The following MYO3B variants were observed in gnomAD, a reference collection of about 807,000 sequenced individuals.
MYO3B encodes myosin IIIB, also known as myosin-IIIb.
Under a neutral mutation model 174.6 loss-of-function variants are expected in MYO3B, and 156 were observed. That is an observed-to-expected ratio of 0.89 (90% confidence interval 0.78 to 1.02). The LOEUF (loss-of-function observed/expected upper bound fraction) is 1.02, where lower values mean the gene tolerates loss of function less well. MYO3B is among the 50% of genes least tolerant of loss of function. MYO3B has a pLI of 0.00. For missense variants in MYO3B, 1,632 were observed against 1,639.4 expected, an observed-to-expected ratio of 1.00 and a Z score of 0.08; for synonymous variants, 563 against 569.1, an observed-to-expected ratio of 0.99 and a Z score of 0.15.
chr2:170,648,808 A>C lies in MYO3B; in HGVS notation c.3734-2820A>C, dbSNP rs1319706429. Among the ~76,000 whole-genome samples, 6 of 115,904 alleles carry C rather than the reference A, an allele frequency of 5.2e-5. 1 individual carries two copies. Among genetic ancestry groups the C allele is most frequent in the African/African-American group, 2.1e-4 (6 of 29,054 alleles). 76.0% of individuals were successfully genotyped at this position (115,904 alleles called of 152,430 possible). A position where few individuals can be genotyped will look rare whatever the true frequency, so the allele number is the denominator to read the frequency against. On this transcript the variant is annotated intron_variant, in intron 32 of 34. Coordinates refer to ENST00000408978, the MANE Select transcript of MYO3B (RefSeq NM_138995.5). ...TTCTATAATCTATATAATACATATT[A>C]TATATTATATAGAATATTATAAATA...
chr2:170,187,373 C>T (rs547111134), intron 1 of MYO3B, among the ~76,000 whole-genome samples: 2 of 152,206 alleles, frequency 1.3e-5, no homozygotes, highest in South Asian at 4.2e-4. Flanking sequence ...GCTGGGATTA[C>T]AGGTGTGTGC....
chr2:170,424,970 T>C (rs2094649338), intron 22 of MYO3B, among the ~76,000 whole-genome samples: 1 of 152,248 alleles, frequency 6.6e-6, no homozygotes, highest in African/African-American at 2.4e-5. Context: ...TCTTTACTTT[T>C]TCCATATTTA....
At position 170,653,424 on chromosome 2, in the gene MYO3B, A is replaced by AGAT; in HGVS notation, c.*304_*306dup. ...TCATTCATGCCCCCAGTGTCTAGGA[A>AGAT]GATAACAGCCAGTCTCACCCCAGTC... On this transcript the variant is annotated 3_prime_UTR_variant, in exon 35 of 35. Coordinates refer to ENST00000408978, the MANE Select transcript of MYO3B (RefSeq NM_138995.5). 3.0e-6 allele frequency: 1 copy of AGAT among 334,446 alleles called. No homozygotes were observed. The highest frequency in any genetic ancestry group is 5.5e-6 in the Non-Finnish European group (1 of 182,292). The allele number at this position is 334,446 out of a possible 1,614,324, so 20.7% of individuals were successfully genotyped here.
At chr2:170,186,186 AGT>A (rs2092460049) in intron 1 of MYO3B, among the ~76,000 whole-genome samples, 1 of 152,192 alleles carries the variant, frequency 6.6e-6, no homozygotes, top group Admixed American at 6.5e-5. Context: ...CAGTGGTGAA[AGT>A]GGGCATCCTT....
chr2:170,606,792 G>A (rs1694834561), intron 32 of MYO3B, among the ~76,000 whole-genome samples: 1 of 152,188 alleles, frequency 6.6e-6, no homozygotes, highest in Non-Finnish European at 1.5e-5. Flanking sequence ...AGGCCGAGGA[G>A]GGCAGATCAC....
chr2:170,441,895 A>G (rs2094803558), intron 22 of MYO3B, among the ~76,000 whole-genome samples: 1 of 152,052 alleles, frequency 6.6e-6, no homozygotes, highest in Non-Finnish European at 1.5e-5. Flanking sequence ...GGTGTTTATG[A>G]TCTGTATTTT....
chr2:170,391,875 C>T (rs2094414192), intron 15 of MYO3B, among the ~76,000 whole-genome samples: 1 of 151,956 alleles, frequency 6.6e-6, no homozygotes, highest in Non-Finnish European at 1.5e-5. Context: ...AGGAAATGGG[C>T]TGGGTGTGGC....
At chr2:170,553,824 A>G (rs1691089051) in intron 32 of MYO3B, among the ~76,000 whole-genome samples, 3 of 152,196 alleles carry the variant, frequency 2.0e-5, no homozygotes, top group African/African-American at 4.8e-5. Context: ...TGATTGGATC[A>G]TGGGGGCGGA....
intron 7 of MYO3B, among the ~76,000 whole-genome samples, chr2:170,260,082 G>C (rs2093333915): frequency 6.6e-6 from 1 of 152,136 alleles, no homozygotes; most frequent in Admixed American, 6.5e-5. Flanking sequence ...TGTTGGTGAG[G>C]CTGCAGAGAA....
intron 8 of MYO3B, among the ~76,000 whole-genome samples, chr2:170,366,784 G>A (rs1008887799): frequency 3.9e-5 from 6 of 152,014 alleles, no homozygotes; most frequent in South Asian, 2.1e-4. Flanking sequence ...ATGATCTTGC[G>A]ACCGTGTTGG....
intron 32 of MYO3B, among the ~76,000 whole-genome samples, chr2:170,569,649 G>A (rs554256691): frequency 6.6e-6 from 1 of 151,734 alleles, no homozygotes; most frequent in South Asian, 2.1e-4. Context: ...ATCACTTGAG[G>A]TCAGGAGTTC....
chr2:170,548,492 A>G (rs1203164440), intron 32 of MYO3B, among the ~76,000 whole-genome samples: 4 of 152,150 alleles, frequency 2.6e-5, no homozygotes, highest in Admixed American at 1.3e-4. Context: ...CTTTATGAGT[A>G]GTGAGGGTTT....
intron 6 of MYO3B, among the ~76,000 whole-genome samples, chr2:170,226,650 T>C (rs139302599): frequency 9.1e-4 from 139 of 152,202 alleles, no homozygotes; most frequent in African/African-American, 3.2e-3. Context: ...GAGGTGGTGA[T>C]ATGTTATTAC....
intron 9 of MYO3B, among the ~76,000 whole-genome samples, chr2:170,377,213 A>G (rs940168071): frequency 6.6e-6 from 1 of 152,244 alleles, no homozygotes; most frequent in Non-Finnish European, 1.5e-5. Flanking sequence ...GGTTTTAACC[A>G]TAATGCAGAT....
At chr2:170,283,293 T>C (rs1353113568) in intron 7 of MYO3B, among the ~76,000 whole-genome samples, 11 of 152,180 alleles carry the variant, frequency 7.2e-5, no homozygotes, top group Admixed American at 5.2e-4. Flanking sequence ...AGATCCCTCT[T>C]ATCCATTTCC....
intron 25 of MYO3B, among the ~76,000 whole-genome samples, chr2:170,486,506 G>A (rs1036128777): frequency 2.0e-5 from 3 of 152,108 alleles, no homozygotes; most frequent in Non-Finnish European, 4.4e-5. Context: ...GTTTCTCCAT[G>A]TTGAGGCTGG....
At chr2:170,365,833 C>T (rs1467035208) in intron 8 of MYO3B, among the ~76,000 whole-genome samples, 1 of 152,090 alleles carries the variant, frequency 6.6e-6, no homozygotes, top group African/African-American at 2.4e-5. Context: ...TGAGCATACC[C>T]TGAGGATGAT....
In MYO3B at chr2:170,279,876, G is replaced by C. The variant is rs575248532; in HGVS notation, c.749+43740G>C. On this transcript the variant is annotated intron_variant, in intron 7 of 34. Coordinates refer to ENST00000408978, the MANE Select transcript of MYO3B (RefSeq NM_138995.5). ...TTATCCAGTCTACCACTGATGGACAGTTAGGTTGATTCCATGTCTTTGCTA... is the reference window on the plus strand; with the variant it reads ...TTATCCAGTCTACCACTGATGGACACTTAGGTTGATTCCATGTCTTTGCTA... 7.2e-4 allele frequency among the ~76,000 whole-genome samples: 110 copies of C among 152,168 alleles called. 1 individual carries two copies. The highest frequency in any genetic ancestry group is 2.5e-3 in the African/African-American group (102 of 41,558).
rs1315532466 is a variant in MYO3B, at chr2:170,391,517, C to T, written c.1578-3C>T. 5 of 1,362,642 alleles carry T rather than the reference C, an allele frequency of 3.7e-6. No individual in the cohort carries two copies. Among genetic ancestry groups the T allele is most frequent in the Non-Finnish European group, 5.0e-6 (5 of 1,002,888 alleles). 84.4% of individuals were successfully genotyped at this position (1,362,642 alleles called of 1,614,324 possible). On this transcript the variant is annotated splice_region_variant and splice_polypyrimidine_tract_variant and intron_variant, in intron 14 of 34. Coordinates refer to ENST00000408978, the MANE Select transcript of MYO3B (RefSeq NM_138995.5). ...TTATTACTAAAGTCTCTTTTTTTTTCAGGAGAGAGAAAAATTTTCATATAT... is the reference window on the plus strand; with the variant it reads ...TTATTACTAAAGTCTCTTTTTTTTTTAGGAGAGAGAAAAATTTTCATATAT...
Sources: allele counts gnomAD v4.1 joint callset (sites outside exome capture counted in the v4.1 genomes callset), GRCh38; gene constraint gnomAD v4.1.1; transcripts MANE v1.5; gene names NCBI Gene and HGNC (gene_info 2026-07-23, HGNC 2026-07-21).